TBX21: variants seen among roughly 807,000 people sequenced by gnomAD.
The protein encoded by TBX21 is T-box transcription factor TBX21.
TBX21 carries 11 observed loss-of-function variants against 52.2 expected under a neutral mutation model. The observed-to-expected ratio is 0.21, with a 90% CI of 0.13 to 0.35. The LOEUF is 0.35. Among genes scored for constraint, TBX21 ranks in the 10% least tolerant of loss-of-function variants. The probability of loss-of-function intolerance (pLI) is 1.00; values close to 1 mark genes in which losing one functional copy is unlikely to be tolerated. For synonymous variants in TBX21, 300 were observed against 316.1 expected (o/e 0.95, Z 0.54); for missense variants, 625 against 755.1 (o/e 0.83, Z 2.02).
chr17:47,734,549 T>C (rs190627217), intron 1 of TBX21, among the ~76,000 whole-genome samples: 3,662 of 142,924 alleles, frequency 0.026, 93 homozygotes, highest in South Asian at 0.087. Flanking sequence ...TGAGATCATA[T>C]GTCTGGTGTG....
At chr17:47,740,506 G>T (rs2032256568) in intron 1 of TBX21, among the ~76,000 whole-genome samples, 1 of 152,132 alleles carries the variant, frequency 6.6e-6, no homozygotes, top group Non-Finnish European at 1.5e-5. Flanking sequence ...ACCTGAGGCG[G>T]GTAGACCACT....
chr17:47,745,164 A>G lies in TBX21; in HGVS notation c.1406A>G (p.Glu469Gly), dbSNP rs2032318150. 13 of 1,614,204 alleles carry G rather than the reference A, an allele frequency of 8.1e-6. No individual in the cohort carries two copies. The East Asian group carries it at 2.9e-4, about 36-fold the overall frequency. Residue 469 changes from glutamate to glycine, a missense_variant, in exon 6 of 6, where the codon GAG (glutamate) becomes GGG (glycine). Physicochemically the swap from Glu to Gly is moderately conservative, Grantham distance 98 (BLOSUM62 -2). This residue lies in a region of TBX21 where 261 missense variants were observed against 275.1 expected (regional missense o/e 0.95). Transcript: ENST00000177694. ...GPGGSEGRGP[E>G]DQGPPLVWTE... The stretch of plus-strand genomic sequence containing the variant: ...GGAGGCTCAGAGGGACGGGGACCAG[A>G]GGACCAGGGTCCCCCCTTGGTGTGG...
rs796771498 is a variant in TBX21 at position 47,742,429 on chromosome 17, T to G, written c.492-181T>G. 3.0e-4 allele frequency among the ~76,000 whole-genome samples: 46 copies of G among 152,330 alleles called. No homozygotes were observed. The highest frequency in any genetic ancestry group is 1.0e-3 in the African/African-American group (42 of 41,586). ...TGAATTGCAAGTTTATATAATTTAATTTTTAATTATGGCTGTGTTTAACCA... is the reference window on the plus strand; with the variant it reads ...TGAATTGCAAGTTTATATAATTTAAGTTTTAATTATGGCTGTGTTTAACCA... On this transcript the variant is annotated intron_variant, in intron 1 of 5. Transcript: ENST00000177694. This position sits in a 1 kb window ranked among gnomAD's most constrained non-coding sequence, Gnocchi z 4.4.
chr17:47,737,797 T>C (rs888769701), intron 1 of TBX21, among the ~76,000 whole-genome samples: 2 of 151,666 alleles, frequency 1.3e-5, no homozygotes, highest in African/African-American at 4.9e-5. Context: ...AGCTAATTTA[T>C]GTATTTTTAG....
rs1277112969 is a variant in TBX21, at chr17:47,742,718, G to A, written c.600G>A (p.Gln200=). The change falls in exon 2 of 6, where the codon CAG becomes CAA. Residue 200 remains glutamine (Q), a synonymous_variant. Transcript: ENST00000177694. The surrounding 1 kb of genome is among the most constrained non-coding windows in gnomAD (Gnocchi z 4.4). ...VLVDQHHWRY[Q]SGKWVQCGKA... ...TGGACCAGCACCACTGGCGGTACCA[G>A]AGCGGCAAGTGGGTGCAGTGTGGAA... The A allele has an allele frequency of 6.3e-7, 1 of 1,588,254 alleles. No homozygotes were observed.
chr17:47,743,847 T>G (rs1210924956), intron 3 of TBX21, among the ~76,000 whole-genome samples: 1 of 130,706 alleles, frequency 7.7e-6, no homozygotes, highest in African/African-American at 3.0e-5. Context: ...GCCATTGCAC[T>G]CCAGCCTGGG....
chr17:47,733,250 G>T lies in TBX21; in HGVS notation c.-205G>T. ...GCTGCGACTCTAGTGACAGCGGCCC[G>T]CTGGAGAGGAAGCCCGAGAGCTGCC... On this transcript the variant is annotated 5_prime_UTR_variant, in exon 1 of 6. Transcript: ENST00000177694. The surrounding 1 kb of genome is among the most constrained non-coding windows in gnomAD (Gnocchi z 6.6). 1 of 624,476 alleles carries T rather than the reference G, an allele frequency of 1.6e-6. No individual in the cohort carries two copies. The allele number at this position is 624,476 out of a possible 1,614,324, so 38.7% of individuals were successfully genotyped here.
rs143206521 is a variant in TBX21, at chr17:47,736,468, ATG to A, written c.491+2539_491+2540del. ...CCAAGCTTCTCTGATTGCTTCATAA[ATG>A]TGTGTGTGTGTGTGTTTTCCAATCC... On this transcript the variant is annotated intron_variant, in intron 1 of 5. Transcript: ENST00000177694. Among the ~76,000 whole-genome samples, 79 of 151,704 alleles carry A rather than the reference ATG, an allele frequency of 5.2e-4. No individual in the cohort carries two copies. The East Asian group carries it at 0.013, about 26-fold the overall frequency.
intron 1 of TBX21, among the ~76,000 whole-genome samples, chr17:47,739,691 G>A (rs2032246519): frequency 6.6e-6 from 1 of 151,958 alleles, no homozygotes; most frequent in Non-Finnish European, 1.5e-5. Context: ...GAACCTTGGA[G>A]GCGGAGCTTG....
chr17:47,745,363 C>A lies in TBX21; in HGVS notation c.1605C>A (p.Asn535Lys). 1.9e-6 allele frequency: 3 copies of A among 1,592,912 alleles called. No individual in the cohort carries two copies. The highest frequency in any genetic ancestry group is 2.6e-6 in the Non-Finnish European group (3 of 1,170,734). Reference protein sequence around the residue: ...AEGQFYNYFPN With the variant: ...AEGQFYNYFPK ...GACAGTTTTATAACTATTTTCCCAA[C>A]TGAGCAGATGACATGATGAAAGGAA... The change falls in exon 6 of 6, where the codon AAC becomes AAA. Residue 535 changes from asparagine (N) to lysine (K), a missense_variant. By Grantham distance (94) the Asn-to-Lys change is moderately conservative. Coordinates refer to ENST00000177694, the MANE Select transcript of TBX21 (RefSeq NM_013351.2).
chr17:47,744,120 C>G, intron 3 of TBX21, 75 bp from the exon 4 acceptor site: 1 of 1,563,762 alleles, frequency 6.4e-7, no homozygotes, highest in Non-Finnish European at 8.7e-7. Flanking sequence ...CACGTGGGGC[C>G]AGCTGTTGGT....
At chr17:47,737,120 T>C (rs1181968676) in intron 1 of TBX21, among the ~76,000 whole-genome samples, 2 of 152,178 alleles carry the variant, frequency 1.3e-5, no homozygotes, top group African/African-American at 4.8e-5. Context: ...CGGTGGATTA[T>C]CCCAGTAGGA....
rs1036890323 is a variant in TBX21, at chr17:47,742,457, G to A, written c.492-153G>A. Among the ~76,000 whole-genome samples, 2 of 152,186 alleles carry A rather than the reference G, an allele frequency of 1.3e-5. No homozygotes were observed. The highest frequency in any genetic ancestry group is 4.8e-5 in the African/African-American group (2 of 41,432). ...TTAATTATGGCTGTGTTTAACCACTGGCTGGCAAACTCCCTAAACACCTTC... is the reference window on the plus strand; with the variant it reads ...TTAATTATGGCTGTGTTTAACCACTAGCTGGCAAACTCCCTAAACACCTTC... On this transcript the variant is annotated intron_variant, in intron 1 of 5. Transcript: ENST00000177694. This position sits in a 1 kb window ranked among gnomAD's most constrained non-coding sequence, Gnocchi z 4.4.
chr17:47,740,341 T>C (rs2032254748), intron 1 of TBX21, among the ~76,000 whole-genome samples: 1 of 152,190 alleles, frequency 6.6e-6, no homozygotes, highest in Non-Finnish European at 1.5e-5. Flanking sequence ...GTGCTGGGAT[T>C]ACGAGTGTGA....
At chr17:47,744,598 C>T in intron 5 of TBX21, 55 bp downstream of exon 5, 1 of 1,611,080 alleles carries the variant, frequency 6.2e-7, no homozygotes, top group Admixed American at 1.7e-5. Flanking sequence ...ACATCCTCTC[C>T]CTGCCCCTGA....
Position 47,733,813 on chromosome 17 carries a change from G to A in TBX21, c.359G>A (p.Gly120Glu), listed in dbSNP as rs2032171342. The change falls in exon 1 of 6, where the codon GGG becomes GAG. Residue 120 changes from glycine (G) to glutamate (E), a missense_variant. Gly to Glu is a moderately conservative substitution (Grantham distance 98, BLOSUM62 -2). Transcript: ENST00000177694. This position sits in a 1 kb window ranked among gnomAD's most constrained non-coding sequence, Gnocchi z 6.6. ...APDPRAGLYP[G>E]PREDYALPAG... ...GACCCGCGCGCCGGGCTCTACCCGG[G>A]GCCGCGTGAGGACTACGCGCTACCC... 3.8e-6 allele frequency: 6 copies of A among 1,596,670 alleles called. No homozygotes were observed. Among genetic ancestry groups the A allele is most frequent in the Admixed American group, 1.8e-5 (1 of 56,318 alleles).
At chr17:47,741,687 C>T (rs945621326) in intron 1 of TBX21, among the ~76,000 whole-genome samples, 46 of 152,006 alleles carry the variant, frequency 3.0e-4, no homozygotes, top group Non-Finnish European at 8.8e-5. Context: ...GTGAGAGCCA[C>T]GGCAGAGAGG....
At chr17:47,736,601 CA>C (rs2032209280) in intron 1 of TBX21, among the ~76,000 whole-genome samples, 1 of 152,038 alleles carries the variant, frequency 6.6e-6, no homozygotes, top group Admixed American at 6.6e-5. Flanking sequence ...GATCAGGCTT[CA>C]TAGACCCCAC....
At position 47,742,940 on chromosome 17, in the gene TBX21, G is replaced by A; in HGVS notation, c.647-131G>A. ...GCTTTGCTCTAGCCTGTCCTCTGCTGAGTCCTCTGCCCTTCCCTGCCTGGT... is the reference window on the plus strand; with the variant it reads ...GCTTTGCTCTAGCCTGTCCTCTGCTAAGTCCTCTGCCCTTCCCTGCCTGGT... On this transcript the variant is annotated intron_variant, in intron 2 of 5. Transcript: ENST00000177694. The surrounding 1 kb of genome is among the most constrained non-coding windows in gnomAD (Gnocchi z 4.4). 6.6e-7 allele frequency: 1 copy of A among 1,517,330 alleles called. No individual in the cohort carries two copies. The highest frequency in any genetic ancestry group is 1.3e-5 in the South Asian group (1 of 77,298). The allele number at this position is 1,517,330 out of a possible 1,614,324, so 94.0% of individuals were successfully genotyped here.
Sources: gnomAD v4.1 joint callset for allele counts (sites outside exome capture counted in the v4.1 genomes callset) on GRCh38, gnomAD v4.1.1 for gene constraint, gnomAD v4.1.1 regional missense constraint, Gnocchi (gnomAD v3.1) non-coding constraint, MANE v1.5 for transcripts, NCBI Gene and HGNC (gene_info 2026-07-23, HGNC 2026-07-21) for gene names.